UBA1: variants seen among roughly 807,000 people sequenced by gnomAD.
UBA1 encodes the protein ubiquitin like modifier activating enzyme 1.
UBA1 carries 4 observed loss-of-function variants against 84.7 expected under a neutral mutation model. The observed-to-expected ratio is 0.05, with a 90% confidence interval of 0.02 to 0.11. The LOEUF (loss-of-function observed/expected upper bound fraction) is 0.11, where lower values mean the gene tolerates loss of function less well. Ranked by LOEUF, UBA1 falls within the 10% of genes least tolerant of loss-of-function variation. The probability of loss-of-function intolerance (pLI) is 1.00; values close to 1 mark genes in which losing one functional copy is unlikely to be tolerated. For synonymous variants in UBA1, 364 were observed against 362.6 expected, an observed-to-expected ratio of 1.00 and a Z score of -0.04; for missense variants, 513 against 902.8, an observed-to-expected ratio of 0.57 and a Z score of 5.53.
chrX:47,214,846 C>T lies in UBA1; in HGVS notation c.3094C>T (p.Arg1032Trp), dbSNP rs148694203. The T allele has an allele frequency of 7.4e-6, 9 of 1,210,363 alleles. No homozygotes were observed. The highest frequency in any genetic ancestry group is 1.7e-5 in the African/African-American group (1 of 57,349). ...GAAGCGAAAGCTGGGCCGCCACGTG[C>T]GGGCGCTGGTGCTTGAGCTGTGCTG... is the stretch of plus-strand genomic sequence containing the variant. Reference protein sequence around the residue: ...VSKRKLGRHVRALVLELCCND... With the variant: ...VSKRKLGRHVWALVLELCCND... Residue 1032 changes from arginine (R) to tryptophan (W), a missense_variant, in exon 26 of 26, where the codon CGG (arginine) becomes TGG (tryptophan). Coordinates refer to ENST00000335972, the MANE Select transcript of UBA1 (RefSeq NM_003334.4).
intron 16 of UBA1, among the ~76,000 whole-genome samples, chrX:47,207,212 A>G (rs1349713663): frequency 8.0e-5 from 9 of 111,880 alleles, no homozygotes; most frequent in African/African-American, 2.9e-4. Flanking sequence ...AATGAGTTTA[A>G]CAGCTGGTTT....
chrX:47,213,671 G>C (rs1556794262), intron 23 of UBA1, among the ~76,000 whole-genome samples: 1 of 112,046 alleles, frequency 8.9e-6, no homozygotes, highest in East Asian at 2.8e-4. Flanking sequence ...TTTGAGACCA[G>C]CCTGGCCAAC....
intron 14 of UBA1, chrX:47,205,017 A>C (rs1427816976): frequency 1.6e-5 from 2 of 125,394 alleles, no homozygotes; most frequent in African/African-American, 6.4e-5. Flanking sequence ...CCTCAAAGGA[A>C]ACAACTAAAA....
At chrX:47,197,201 G>A (rs1444352280) in intron 1 of UBA1, 3 of 753,766 alleles carry the variant, frequency 4.0e-6, no homozygotes, top group Non-Finnish European at 3.1e-6. Flanking sequence ...CTGTGGACTG[G>A]GCCCTGAGCC....
chrX:47,201,042 A>C (rs1556787751), intron 6 of UBA1, 42 bp downstream of exon 6: 2 of 1,085,475 alleles, frequency 1.8e-6, no homozygotes, highest in Admixed American at 5.1e-5. Flanking sequence ...CTTTTCCCCC[A>C]ACTCCTACCA....
intron 1 of UBA1, among the ~76,000 whole-genome samples, chrX:47,196,080 C>G (rs1486347504): frequency 9.0e-6 from 1 of 110,738 alleles, no homozygotes; most frequent in African/African-American, 3.3e-5. Context: ...AGCAACTGTC[C>G]TCCTACCTCC....
chrX:47,197,749 C>T (rs1297410838), intron 1 of UBA1: 4 of 515,266 alleles, frequency 7.8e-6, no homozygotes, highest in Non-Finnish European at 7.1e-6. Flanking sequence ...CGTGATAACA[C>T]GAGGAAGCAG....
upstream of UBA1, among the ~76,000 whole-genome samples, chrX:47,192,949 A>T (rs782809920): frequency 8.9e-6 from 1 of 111,780 alleles, no homozygotes; most frequent in Admixed American, 9.5e-5. Flanking sequence ...AAAGACATGT[A>T]GTGAGTTTGG....
chrX:47,212,582 A>G (rs1438273747), intron 21 of UBA1, 70 bp downstream of exon 21: 8 of 1,013,024 alleles, frequency 7.9e-6, no homozygotes, highest in Middle Eastern at 2.9e-4. Flanking sequence ...AAACAGGAGT[A>G]TCTGGAGCCA....
Position 47,199,584 on chromosome X carries a change from C to T in UBA1, c.450C>T (p.Pro150=), listed in dbSNP as rs1556786994. ...TGCCTGTCACTGCCTACACTGGACC[C>T]CTCGTTGAGGACTTCCTTAGTGGTT... is the stretch of plus-strand genomic sequence containing the variant. ...SYVPVTAYTG[P]LVEDFLSGFQ... Residue 150 remains proline, a synonymous_variant, in exon 5 of 26, where the codon CCC becomes CCT. Transcript: ENST00000335972. The T allele has an allele frequency of 1.7e-6, 2 of 1,211,685 alleles. No homozygotes were observed. The highest frequency in any genetic ancestry group is 3.5e-5 in the South Asian group (2 of 56,993).
rs1556794509 is a variant in UBA1, at chrX:47,214,332, T to C, written c.2844T>C (p.Tyr948=). The C allele has an allele frequency of 8.3e-7, 1 of 1,210,120 alleles. No homozygotes were observed. Among genetic ancestry groups the C allele is most frequent in the Non-Finnish European group, 1.1e-6 (1 of 894,213 alleles). ...CTCCCCTCTTTGTCTTGCAGTACTA[T>C]AACCAAGAGTGGACATTGTGGGATC... is the stretch of plus-strand genomic sequence containing the variant. The part of the protein sequence containing the change: ...EPLAAPRHQY[Y]NQEWTLWDRF... Residue 948 remains tyrosine (Y), a synonymous_variant, in exon 24 of 26, where the codon TAT becomes TAC. Coordinates refer to ENST00000335972, the MANE Select transcript of UBA1 (RefSeq NM_003334.4).
chrX:47,198,229 ACTCCCCG>A, intron 1 of UBA1: 4 of 980,136 alleles, frequency 4.1e-6, no homozygotes, highest in Non-Finnish European at 5.3e-6. Context: ...TCCCTCCTGC[ACTCCCCG>A]CTCCCGCCGC....
upstream of UBA1, among the ~76,000 whole-genome samples, chrX:47,192,492 T>G (rs1189880018): frequency 9.0e-6 from 1 of 111,096 alleles, no homozygotes; most frequent in Non-Finnish European, 1.9e-5. Context: ...TATTTACATA[T>G]CTTAACATAT....
chrX:47,202,615 C>T (rs782677995), intron 10 of UBA1, 23 bp from the exon 11 acceptor site: 2 of 1,211,876 alleles, frequency 1.7e-6, no homozygotes, highest in South Asian at 3.5e-5. Flanking sequence ...CATATCCTCT[C>T]TTGGTTCTTT....
chrX:47,195,470 C>T (rs782718425), intron 1 of UBA1, among the ~76,000 whole-genome samples: 74 of 110,958 alleles, frequency 6.7e-4, no homozygotes, highest in African/African-American at 2.2e-3. Flanking sequence ...AGGCTGGTCT[C>T]GAACTCCTGA....
chrX:47,202,857 T>G lies in UBA1; in HGVS notation c.1233+43T>G, dbSNP rs7877968. 0.016 allele frequency: 18,593 copies of G among 1,198,782 alleles called. 1,784 individuals are homozygous for G. In the African/African-American group the frequency reaches 0.28, roughly 18 times the overall value. ...GAGGCAGGATTGGGGTGGGCCAGGT[T>G]CCTCCATGACTCTGTCACTTGCTCT... On this transcript the variant is annotated intron_variant, in intron 11 of 25. Coordinates refer to ENST00000335972, the MANE Select transcript of UBA1 (RefSeq NM_003334.4).
upstream of UBA1, among the ~76,000 whole-genome samples, chrX:47,192,703 G>A (rs1936085959): frequency 1.8e-5 from 2 of 111,063 alleles, no homozygotes; most frequent in South Asian, 7.5e-4. Flanking sequence ...CGATTCTCCT[G>A]CCTCAGCCTC....
intron 14 of UBA1, chrX:47,205,737 C>G (rs1556790609): frequency 4.3e-6 from 2 of 460,951 alleles, no homozygotes; most frequent in African/African-American, 2.4e-5. Flanking sequence ...ACCTGTGGTC[C>G]CAGCTACTCG....
At chrX:47,200,007 G>T (rs1260625178) in intron 5 of UBA1, among the ~76,000 whole-genome samples, 6 of 109,813 alleles carry the variant, frequency 5.5e-5, no homozygotes, top group African/African-American at 2.0e-4. Flanking sequence ...GGGTGGTCTC[G>T]ATCTCCTGAC....
Sources: allele counts gnomAD v4.1 joint callset (sites outside exome capture counted in the v4.1 genomes callset), GRCh38; gene constraint gnomAD v4.1.1; transcripts MANE v1.5; gene names NCBI Gene and HGNC (gene_info 2026-07-23, HGNC 2026-07-21).